LDB2: variants seen among roughly 807,000 people sequenced by gnomAD.
The protein encoded by LDB2 is LIM domain binding 2.
A neutral mutation model predicts 44.3 loss-of-function variants in LDB2; 12 were observed. The observed-to-expected ratio is 0.27, with a 90% CI of 0.17 to 0.44. The LOEUF (loss-of-function observed/expected upper bound fraction) is 0.44. Among genes scored for constraint, LDB2 ranks in the 20% least tolerant of loss-of-function variants. LDB2 has a pLI of 1.00. For synonymous variants in LDB2, 164 were observed against 174.8 expected (o/e 0.94, Z 0.49); for missense variants, 344 against 473.5 (o/e 0.73, Z 2.54).
chr4:16,780,792 TTTA>T (rs1428346083), intron 1 of LDB2, among the ~76,000 whole-genome samples: 7 of 152,138 alleles, frequency 4.6e-5, no homozygotes, highest in Non-Finnish European at 1.0e-4. Context: ...GGCTAAATGC[TTTA>T]TTACTTTTTA....
intron 5 of LDB2, among the ~76,000 whole-genome samples, chr4:16,566,417 A>G (rs868221728): frequency 6.6e-6 from 1 of 152,152 alleles, no homozygotes; most frequent in Middle Eastern, 3.2e-3. Context: ...GCTAAAAATA[A>G]TATTTCAAAT....
At chr4:16,707,728 T>G (rs1385296572) in intron 2 of LDB2, among the ~76,000 whole-genome samples, 1 of 152,142 alleles carries the variant, frequency 6.6e-6, no homozygotes, top group South Asian at 2.1e-4. Flanking sequence ...GTGAATGGTT[T>G]GATGGCAAAT....
At chr4:16,745,944 T>C (rs780569517) in intron 2 of LDB2, among the ~76,000 whole-genome samples, 6 of 151,944 alleles carry the variant, frequency 3.9e-5, no homozygotes, top group Non-Finnish European at 7.4e-5. Flanking sequence ...GTACACAGTA[T>C]GGGCCTATAT....
At chr4:16,669,289 C>T (rs1048008424) in intron 2 of LDB2, among the ~76,000 whole-genome samples, 2 of 152,208 alleles carry the variant, frequency 1.3e-5, no homozygotes, top group Admixed American at 6.5e-5. Context: ...TTGCCCTATA[C>T]TGTGCTGTTC....
chr4:16,537,195 C>G (rs1457776429), intron 5 of LDB2, among the ~76,000 whole-genome samples: 1 of 152,186 alleles, frequency 6.6e-6, no homozygotes, highest in South Asian at 2.1e-4. Flanking sequence ...CTTCTAAAAC[C>G]CTTTTATTCT....
At chr4:16,551,897 T>C (rs1737813755) in intron 5 of LDB2, among the ~76,000 whole-genome samples, 1 of 152,218 alleles carries the variant, frequency 6.6e-6, no homozygotes, top group Non-Finnish European at 1.5e-5. Context: ...CTTAAAGATA[T>C]TACAAAGTAT....
intron 2 of LDB2, among the ~76,000 whole-genome samples, chr4:16,696,475 A>G (rs936499678): frequency 2.0e-5 from 3 of 152,204 alleles, no homozygotes; most frequent in Non-Finnish European, 4.4e-5. Context: ...AGAAAAGGTC[A>G]GCTCTAAGAA....
Position 16,585,847 on chromosome 4 carries a change from T to G in LDB2, c.615+75A>C. On this transcript the variant is annotated intron_variant, in intron 5 of 7. Coordinates refer to ENST00000304523, the MANE Select transcript of LDB2 (RefSeq NM_001290.5). Reference sequence around the variant, plus strand: ...TCACCAGTACCTCATTTTAACTTCTTGGTTCAGGATGCATATAAACCTCTG... The same window carrying G: ...TCACCAGTACCTCATTTTAACTTCTGGGTTCAGGATGCATATAAACCTCTG... 4 of 1,075,502 alleles carry G rather than the reference T, an allele frequency of 3.7e-6. No homozygotes were observed. In the South Asian group the frequency reaches 5.1e-5, roughly 14 times the overall value. 66.6% of individuals were successfully genotyped at this position (1,075,502 alleles called of 1,614,324 possible).
At chr4:16,503,093 T>C (rs1717957913) in intron 7 of LDB2, 1 of 1,536,942 alleles carries the variant, frequency 6.5e-7, no homozygotes, top group African/African-American at 1.4e-5. Context: ...ATGTCCTTAG[T>C]GCGCAGCCTG....
At chr4:16,822,587 C>T (rs1237277292) in intron 1 of LDB2, among the ~76,000 whole-genome samples, 2 of 152,102 alleles carry the variant, frequency 1.3e-5, no homozygotes, top group Non-Finnish European at 1.5e-5. Flanking sequence ...GGCACGATCT[C>T]GGCTCACTGC....
At chr4:16,518,405 C>T (rs1221183597) in intron 5 of LDB2, among the ~76,000 whole-genome samples, 9 of 151,976 alleles carry the variant, frequency 5.9e-5, no homozygotes, top group Admixed American at 5.9e-4. Context: ...CATCCTATGG[C>T]CTTGAACCCT....
chr4:16,624,476 T>C (rs893976100), intron 2 of LDB2, among the ~76,000 whole-genome samples: 20 of 152,260 alleles, frequency 1.3e-4, no homozygotes, highest in African/African-American at 4.6e-4. Context: ...TTTTTTATTA[T>C]GTGCTCGTCA....
At chr4:16,816,837 T>G (rs1781029896) in intron 1 of LDB2, among the ~76,000 whole-genome samples, 1 of 152,228 alleles carries the variant, frequency 6.6e-6, no homozygotes, top group Non-Finnish European at 1.5e-5. Context: ...TTTATATATA[T>G]AGTCTCAATT....
chr4:16,743,608 C>T (rs1242870344), intron 2 of LDB2, among the ~76,000 whole-genome samples: 1 of 150,478 alleles, frequency 6.6e-6, no homozygotes, highest in Non-Finnish European at 1.5e-5. Flanking sequence ...ATTCTCCTGC[C>T]TTAAAAAGAC....
chr4:16,766,007 G>A (rs1001323388), intron 1 of LDB2, among the ~76,000 whole-genome samples: 1 of 152,142 alleles, frequency 6.6e-6, no homozygotes, highest in East Asian at 1.9e-4. Flanking sequence ...TTTAAAAATA[G>A]AGAACAAAAG....
intron 1 of LDB2, among the ~76,000 whole-genome samples, chr4:16,791,733 T>C (rs1775805252): frequency 6.6e-6 from 1 of 152,112 alleles, no homozygotes; most frequent in African/African-American, 2.4e-5. Context: ...CTCTTGTTTT[T>C]GATTTTGTAA....
intron 6 of LDB2, among the ~76,000 whole-genome samples, chr4:16,510,969 TA>T (rs1721508032): frequency 1.3e-5 from 2 of 152,190 alleles, no homozygotes; most frequent in African/African-American, 4.8e-5. Context: ...AAAGAAAAAA[TA>T]AAGCCAATTT....
In LDB2 at chr4:16,832,453, T is replaced by C. The variant is rs1466918321; in HGVS notation, c.132+65901A>G. Among the ~76,000 whole-genome samples the C allele has an allele frequency of 2.0e-5, 3 of 152,242 alleles. No homozygotes were observed. The East Asian group carries it at 5.8e-4, about 29-fold the overall frequency. On this transcript the variant is annotated intron_variant, in intron 1 of 7. Coordinates refer to ENST00000304523, the MANE Select transcript of LDB2 (RefSeq NM_001290.5). ...TCTGGCAGCATTACATTTTGACTTCTTATGTTGAGATTCAAATATAAAATA... is the reference window on the plus strand; with the variant it reads ...TCTGGCAGCATTACATTTTGACTTCCTATGTTGAGATTCAAATATAAAATA...
intron 2 of LDB2, among the ~76,000 whole-genome samples, chr4:16,665,268 C>CT (rs5856376): frequency 0.96 from 121,509 of 127,192 alleles, 58,266 homozygotes; most frequent in Middle Eastern, 1. Flanking sequence ...TTTTTCATTT[C>CT]TTTTTTTTTT....
Sources: gnomAD v4.1 joint callset for allele counts (sites outside exome capture counted in the v4.1 genomes callset) on GRCh38, gnomAD v4.1.1 for gene constraint, MANE v1.5 for transcripts, NCBI Gene and HGNC (gene_info 2026-07-23, HGNC 2026-07-21) for gene names.